Variants in SCAP observed in about 807,000 individuals in gnomAD.
The protein encoded by SCAP is SREBF chaperone.
In SCAP, 65 loss-of-function variants were observed where a neutral mutation model predicts 123.6. The ratio of observed to expected loss-of-function variants is 0.53; its 90% CI spans 0.43 to 0.65. The LOEUF is 0.65. Ranked by LOEUF, SCAP falls within the 30% of genes least tolerant of loss-of-function variation. SCAP has a pLI of 0.00. For missense variants in SCAP, 1,398 were observed against 1,712.5 expected, an observed-to-expected ratio of 0.82 and a Z score of 3.24; for synonymous variants, 740 against 726.3, an observed-to-expected ratio of 1.02 and a Z score of -0.30.
chr3:47,419,706 T>C lies in SCAP; in HGVS notation c.1564-2A>G. On this transcript the variant is annotated splice_acceptor_variant, in intron 12 of 22. Coordinates refer to ENST00000265565, the MANE Select transcript of SCAP (RefSeq NM_012235.4). LOFTEE classifies it high-confidence loss of function. The surrounding 1 kb of genome is among the most constrained non-coding windows in gnomAD (Gnocchi z 5.0). ...GCCAATCCAGACAACGGTGCCAGCC[T>C]GCAGTGGGGCAGGGGGTACTCAGTG... 3 of 1,519,076 alleles carry C rather than the reference T, an allele frequency of 2.0e-6. No individual in the cohort carries two copies. Among genetic ancestry groups the C allele is most frequent in the Non-Finnish European group, 2.6e-6 (3 of 1,133,576 alleles). 94.1% of individuals were successfully genotyped at this position (1,519,076 alleles called of 1,614,324 possible). A position where few individuals can be genotyped will look rare whatever the true frequency, so the allele number is the denominator to read the frequency against.
At chr3:47,466,154 A>AAAAAAAAG (rs1559571041) in intron 1 of SCAP, among the ~76,000 whole-genome samples, 54 of 142,068 alleles carry the variant, frequency 3.8e-4, no homozygotes, top group East Asian at 6.3e-4. Context: ...AAAAAAAAAA[A>AAAAAAAAG]AAAGAAAGAA....
chr3:47,417,902 G>GGGGCGGGGGAGAAGTGAGAGA (rs1705685930), intron 16 of SCAP, 76 bp from the exon 17 acceptor site: 4 of 398,688 alleles, frequency 1.0e-5, no homozygotes, highest in Admixed American at 9.0e-5. Context: ...GGGGTGAGAG[G>GGGGCGGGGGAGAAGTGAGAGA]GGGCGTGGGA....
intron 7 of SCAP, 147 bp downstream of exon 7, chr3:47,425,850 T>TGC (rs1048304639): frequency 3.8e-5 from 38 of 1,004,472 alleles, no homozygotes; most frequent in African/African-American, 9.7e-5. Context: ...CCTAAGACCC[T>TGC]GCTGGGGGAC....
rs1705732557 is a variant in SCAP, at chr3:47,418,382, T to C, written c.2270A>G (p.Asp757Gly). Reference protein sequence around the residue: ...RRRRGELPCDDYGYAPPETEI... With the variant: ...RRRRGELPCDGYGYAPPETEI... ...CGTCTCGGGTGGCGCATAGCCGTAG[T>C]CGTCGCAGGGCAGCTCCCCGCGCCT... is the stretch of plus-strand genomic sequence containing the variant. The change falls in exon 15 of 23, where the codon GAC (aspartate) becomes GGC (glycine). Residue 757 changes from aspartate to glycine, a missense_variant. Physicochemically the swap from Asp to Gly is moderately conservative, Grantham distance 94. Around this residue, in one of 7 missense-constraint regions of SCAP, gnomAD observed 828 missense variants for 882.5 expected, o/e 0.94. Coordinates refer to ENST00000265565, the MANE Select transcript of SCAP (RefSeq NM_012235.4). 6.4e-7 allele frequency: 1 copy of C among 1,574,042 alleles called. No homozygotes were observed.
At chr3:47,472,459 A>G (rs1349763065) in intron 1 of SCAP, among the ~76,000 whole-genome samples, 1 of 23,272 alleles carries the variant, frequency 4.3e-5, no homozygotes, top group African/African-American at 8.4e-5. Context: ...AAAATAAAAT[A>G]AAATAATAAT....
intron 1 of SCAP, among the ~76,000 whole-genome samples, chr3:47,464,378 T>G (rs768030053): frequency 2.7e-4 from 41 of 150,286 alleles, no homozygotes; most frequent in Non-Finnish European, 4.0e-4. Context: ...TGATTTGTGT[T>G]TTTTTTTTTA....
At chr3:47,460,713 G>A (rs1707600773) in intron 1 of SCAP, among the ~76,000 whole-genome samples, 1 of 152,008 alleles carries the variant, frequency 6.6e-6, no homozygotes, top group Non-Finnish European at 1.5e-5. Flanking sequence ...GCCTGCCACT[G>A]TGCCCAGCTA....
rs1419699622 is a variant in SCAP at position 47,417,070 on chromosome 3, G to T, written c.3056+52C>A. ...AGAACTCAAGACTCAAGAGAGTATG[G>T]CCTAGCCAACAAAGGCTGGGGACAT... On this transcript the variant is annotated intron_variant, in intron 18 of 22. Transcript: ENST00000265565. 20 of 1,511,568 alleles carry T rather than the reference G, an allele frequency of 1.3e-5. No homozygotes were observed. In the East Asian group the frequency reaches 4.5e-4, roughly 34 times the overall value. The allele number at this position is 1,511,568 out of a possible 1,614,324, so 93.6% of individuals were successfully genotyped here.
At chr3:47,441,135 C>T (rs1482171217) in intron 2 of SCAP, among the ~76,000 whole-genome samples, 2 of 152,000 alleles carry the variant, frequency 1.3e-5, no homozygotes, top group Admixed American at 6.6e-5. Flanking sequence ...CGCCTGACCT[C>T]GTGATCTGCC....
intron 1 of SCAP, among the ~76,000 whole-genome samples, chr3:47,449,533 T>C (rs996070650): frequency 8.1e-6 from 1 of 123,986 alleles, no homozygotes; most frequent in Admixed American, 9.0e-5. Flanking sequence ...CACAATTACG[T>C]GGAGGGCCAG....
At chr3:47,446,581 T>C (rs1707052863) in intron 1 of SCAP, among the ~76,000 whole-genome samples, 2 of 152,098 alleles carry the variant, frequency 1.3e-5, no homozygotes, top group South Asian at 2.1e-4. Flanking sequence ...AGGAGTGGAA[T>C]TGCTTGGTCA....
At position 47,455,085 on chromosome 3, in the gene SCAP, ATATATATAT is replaced by A. The variant is rs1217305032; in HGVS notation, c.-98-12003_-98-11995del. On this transcript the variant is annotated intron_variant, in intron 1 of 22. Coordinates refer to ENST00000265565, the MANE Select transcript of SCAP (RefSeq NM_012235.4). The stretch of plus-strand genomic sequence containing the variant: ...TACATATATATATATATATATATAT[ATATATATAT>A]AATCAACTGAAAACCTTTTACAGTT... Among the ~76,000 whole-genome samples the A allele has an allele frequency of 5.5e-3, 734 of 134,364 alleles. 2 individuals are homozygous for A. Among genetic ancestry groups the A allele is most frequent in the African/African-American group, 0.015 (545 of 36,584 alleles). 88.1% of individuals were successfully genotyped at this position (134,364 alleles called of 152,430 possible). A position where few individuals can be genotyped will look rare whatever the true frequency, so the allele number is the denominator to read the frequency against.
Position 47,423,813 on chromosome 3 carries a change from G to A in SCAP, c.1150+120C>T, listed in dbSNP as rs1706011567. ...CAGTGGCCCACTGCATATTATGCCG[G>A]AGGCAAGAGCAAGGGACATTTCAAG... is the stretch of plus-strand genomic sequence containing the variant. On this transcript the variant is annotated intron_variant, in intron 9 of 22. Coordinates refer to ENST00000265565, the MANE Select transcript of SCAP (RefSeq NM_012235.4). 9.6e-6 allele frequency: 7 copies of A among 727,196 alleles called. No individual in the cohort carries two copies. The South Asian group carries it at 1.2e-4, about 12-fold the overall frequency. 45.0% of individuals were successfully genotyped at this position (727,196 alleles called of 1,614,324 possible). A position where few individuals can be genotyped will look rare whatever the true frequency, so the allele number is the denominator to read the frequency against.
chr3:47,426,112 G>C lies in SCAP; in HGVS notation c.795C>G (p.Ser265Arg), dbSNP rs1205150030. 6.2e-7 allele frequency: 1 copy of C among 1,614,048 alleles called. No homozygotes were observed. Among genetic ancestry groups the C allele is most frequent in the Admixed American group, 1.7e-5 (1 of 59,998 alleles). ...CGTGGACCAGGCTCTCCGCCCGAAG[G>C]CTGCAGTTGGGGCTGGGGTGCAGAA... ...LMLLHPSPNC[S>R]LRAESLVHVH... Residue 265 changes from serine (S) to arginine (R), a missense_variant, in exon 7 of 23, where the codon AGC (serine) becomes AGG (arginine). Around this residue, in one of 7 missense-constraint regions of SCAP, gnomAD observed 319 missense variants for 432.4 expected, o/e 0.74. Transcript: ENST00000265565.
intron 1 of SCAP, among the ~76,000 whole-genome samples, chr3:47,467,131 T>A (rs1707856751): frequency 6.7e-6 from 1 of 150,170 alleles, no homozygotes. Context: ...ATTGTGCAAA[T>A]CACACAATAA....
intron 10 of SCAP, 74 bp downstream of exon 10, chr3:47,422,368 G>GT: frequency 7.4e-7 from 1 of 1,347,352 alleles, no homozygotes; most frequent in Non-Finnish European, 1.0e-6. Flanking sequence ...GGAGCACCCT[G>GT]CCCATGGCTG....
intron 1 of SCAP, among the ~76,000 whole-genome samples, chr3:47,450,710 G>A (rs1233959137): frequency 8.2e-6 from 1 of 122,074 alleles, no homozygotes; most frequent in African/African-American, 2.8e-5. Context: ...ACGTTGCCCA[G>A]GCTGGTCTCA....
chr3:47,470,476 T>C (rs1423070252), intron 1 of SCAP, among the ~76,000 whole-genome samples: 1 of 152,186 alleles, frequency 6.6e-6, no homozygotes, highest in East Asian at 1.9e-4. Context: ...GTTAACACCC[T>C]TATCTGGGCA....
chr3:47,424,637 C>G (rs1295038756), intron 8 of SCAP, among the ~76,000 whole-genome samples: 1 of 152,226 alleles, frequency 6.6e-6, no homozygotes, highest in Non-Finnish European at 1.5e-5. Flanking sequence ...TGCAGGACCT[C>G]TGCTTTGGAG....
Sources: allele counts gnomAD v4.1 joint callset (sites outside exome capture counted in the v4.1 genomes callset), GRCh38; gene constraint gnomAD v4.1.1; regional missense constraint gnomAD v4.1.1; non-coding constraint Gnocchi (gnomAD v3.1); transcripts MANE v1.5; gene names NCBI Gene and HGNC (gene_info 2026-07-23, HGNC 2026-07-21).